The following AUTS2 variants were observed in gnomAD, a reference collection of about 807,000 sequenced individuals.
The protein encoded by AUTS2 is autism susceptibility gene 2 protein.
Under a neutral mutation model 112.4 loss-of-function variants are expected in AUTS2, and 17 were observed. The observed-to-expected ratio is 0.15, with a 90% CI of 0.10 to 0.23. The LOEUF is 0.23. AUTS2 is among the 10% of genes least tolerant of loss of function. The pLI is 1.00. For missense variants in AUTS2, 1,510 were observed against 1,701.6 expected (o/e 0.89, Z 1.98); for synonymous variants, 751 against 702.7 (o/e 1.07, Z -1.09).
intron 4 of AUTS2, among the ~76,000 whole-genome samples, chr7:70,424,066 G>A (rs1795330739): frequency 6.6e-6 from 1 of 152,174 alleles, no homozygotes; most frequent in Admixed American, 6.5e-5. Context: ...AAAATCCGGT[G>A]GGGTGTGTAT....
At chr7:69,890,693 GA>G (rs56364103) in intron 1 of AUTS2, among the ~76,000 whole-genome samples, 17,614 of 133,862 alleles carry the variant, frequency 0.13, 1,323 homozygotes, top group African/African-American at 0.23. Context: ...TGTTAAAAAT[GA>G]AAAAAAAAAA....
intron 1 of AUTS2, among the ~76,000 whole-genome samples, chr7:69,832,095 G>C (rs565903548): frequency 3.3e-5 from 5 of 152,198 alleles, no homozygotes; most frequent in Non-Finnish European, 5.9e-5. Context: ...ACCTCCCCAG[G>C]GGCTTGAAAT....
intron 4 of AUTS2, among the ~76,000 whole-genome samples, chr7:70,376,869 T>C (rs1793109754): frequency 6.6e-6 from 1 of 151,578 alleles, no homozygotes; most frequent in Non-Finnish European, 1.5e-5. Context: ...GGGAGCCTCT[T>C]GGTTTTTTGC....
chr7:70,197,490 G>C lies in AUTS2; in HGVS notation c.660+62919G>C, dbSNP rs1031887241. Among the ~76,000 whole-genome samples the C allele has an allele frequency of 2.9e-5, 4 of 136,498 alleles. No individual in the cohort carries two copies. The East Asian group carries it at 8.8e-4, about 30-fold the overall frequency. The allele number at this position is 136,498 out of a possible 152,430, so 89.5% of individuals were successfully genotyped here. A position where few individuals can be genotyped will look rare whatever the true frequency, so the allele number is the denominator to read the frequency against. On this transcript the variant is annotated intron_variant, in intron 4 of 18. Coordinates refer to ENST00000342771, the MANE Select transcript of AUTS2 (RefSeq NM_015570.4). ...GCGCAGGCCAGTGTGTGTGCGCACC[G>C]TGCGCGAGCCGAAGCAGGGCGAGGC...
chr7:69,652,845 A>G (rs1244101536), intron 1 of AUTS2, among the ~76,000 whole-genome samples: 5 of 152,194 alleles, frequency 3.3e-5, no homozygotes, highest in African/African-American at 1.2e-4. Context: ...GATCTTTGCC[A>G]AAGGTAGTTT....
chr7:70,072,679 A>G (rs1277519441), intron 2 of AUTS2, among the ~76,000 whole-genome samples: 4 of 152,100 alleles, frequency 2.6e-5, no homozygotes, highest in African/African-American at 7.2e-5. Context: ...TTCCTAACAT[A>G]GGTTGGCCTC....
intron 1 of AUTS2, among the ~76,000 whole-genome samples, chr7:69,788,476 C>A (rs1789474366): frequency 6.6e-6 from 1 of 152,144 alleles, no homozygotes; most frequent in Non-Finnish European, 1.5e-5. Context: ...GAAGTCTGGG[C>A]AGGCTTCAAT....
chr7:70,546,460 T>G (rs1177604602), intron 5 of AUTS2, among the ~76,000 whole-genome samples: 4 of 144,250 alleles, frequency 2.8e-5, no homozygotes, highest in Non-Finnish European at 6.1e-5. Context: ...AATCAAAAAA[T>G]TTAATATAAT....
At chr7:69,891,918 G>A (rs1000497533) in intron 1 of AUTS2, among the ~76,000 whole-genome samples, 2 of 145,478 alleles carry the variant, frequency 1.4e-5, no homozygotes, top group African/African-American at 5.1e-5. Context: ...CTCAGCCTCC[G>A]AGTAGCTGGG....
chr7:70,323,379 G>A (rs1790343825), intron 4 of AUTS2, among the ~76,000 whole-genome samples: 1 of 152,174 alleles, frequency 6.6e-6, no homozygotes, highest in Non-Finnish European at 1.5e-5. Flanking sequence ...GTGGCCCAGT[G>A]TACGCCTTGT....
chr7:70,725,398 C>T (rs7801472), intron 6 of AUTS2, among the ~76,000 whole-genome samples: 6,781 of 152,128 alleles, frequency 0.045, 208 homozygotes, highest in Non-Finnish European at 0.069. Context: ...AGTGGCCAGC[C>T]GTTAATCCTT....
chr7:70,225,127 CT>C (rs1811697035), intron 4 of AUTS2, among the ~76,000 whole-genome samples: 1 of 152,170 alleles, frequency 6.6e-6, no homozygotes, highest in Admixed American at 6.5e-5. Flanking sequence ...TATTTCAGGA[CT>C]AATTTTCCCC....
chr7:69,918,719 C>A (rs1795690705), intron 2 of AUTS2, among the ~76,000 whole-genome samples: 1 of 152,166 alleles, frequency 6.6e-6, no homozygotes, highest in Non-Finnish European at 1.5e-5. Context: ...GTTCCCCTGG[C>A]ATAATTATTC....
chr7:70,771,729 G>A (rs1382796217), intron 11 of AUTS2, 85 bp downstream of exon 11: 16 of 1,207,480 alleles, frequency 1.3e-5, no homozygotes, highest in Non-Finnish European at 1.9e-5. Context: ...GCGTCCTCTT[G>A]CCTGTGCAGT....
At chr7:70,395,182 G>T (rs974782780) in intron 4 of AUTS2, among the ~76,000 whole-genome samples, 11 of 151,474 alleles carry the variant, frequency 7.3e-5, no homozygotes, top group African/African-American at 2.2e-4. Context: ...GGTGACAAAG[G>T]AGTTGTGATA....
intron 2 of AUTS2, among the ~76,000 whole-genome samples, chr7:70,117,749 CTT>C (rs202124430): frequency 2.6e-4 from 38 of 143,870 alleles, no homozygotes; most frequent in Middle Eastern, 3.6e-3. Context: ...ATTGTTCACT[CTT>C]TTTTTTTTTT....
At chr7:69,860,281 C>T (rs2129532164) in intron 1 of AUTS2, among the ~76,000 whole-genome samples, 1 of 152,080 alleles carries the variant, frequency 6.6e-6, no homozygotes, top group Non-Finnish European at 1.5e-5. Context: ...GTCTGAGGTT[C>T]TTTCTCTACA....
At chr7:70,054,238 C>T (rs1385863168) in intron 2 of AUTS2, among the ~76,000 whole-genome samples, 1 of 152,194 alleles carries the variant, frequency 6.6e-6, no homozygotes, top group Non-Finnish European at 1.5e-5. Context: ...AGGCATGCCA[C>T]ATGCTGTTTC....
At chr7:69,988,335 T>C (rs1798597597) in intron 2 of AUTS2, among the ~76,000 whole-genome samples, 1 of 152,200 alleles carries the variant, frequency 6.6e-6, no homozygotes, top group Admixed American at 6.5e-5. Flanking sequence ...TCAGCTAAGA[T>C]TGTATAGCTG....
Sources: allele counts gnomAD v4.1 joint callset (sites outside exome capture counted in the v4.1 genomes callset), GRCh38; gene constraint gnomAD v4.1.1; transcripts MANE v1.5; gene names NCBI Gene and HGNC (gene_info 2026-07-23, HGNC 2026-07-21).